The following GABRG3 variants were observed in gnomAD, a reference collection of about 807,000 sequenced individuals.
GABRG3 encodes the protein gamma-aminobutyric acid receptor subunit gamma-3.
Under a neutral mutation model 48.8 loss-of-function variants are expected in GABRG3, and 25 were observed. The observed-to-expected ratio is 0.51, with a 90% CI of 0.37 to 0.72. The LOEUF is 0.72. Among genes scored for constraint, GABRG3 ranks in the 30% least tolerant of loss-of-function variants. The probability of loss-of-function intolerance (pLI) is 0.00; values close to 1 mark genes in which losing one functional copy is unlikely to be tolerated. For missense variants in GABRG3, 394 were observed against 577.9 expected (o/e 0.68, Z 3.26); for synonymous variants, 227 against 217.6 (o/e 1.04, Z -0.38).
At chr15:27,219,894 A>G (rs1446206585) in intron 3 of GABRG3, among the ~76,000 whole-genome samples, 1 of 152,204 alleles carries the variant, frequency 6.6e-6, no homozygotes, top group African/African-American at 2.4e-5. Flanking sequence ...TGTTTTTCAT[A>G]AGAACGACTC....
intron 3 of GABRG3, among the ~76,000 whole-genome samples, chr15:27,113,275 C>T (rs1897585701): frequency 6.6e-6 from 1 of 151,888 alleles, no homozygotes. Context: ...CTTTCTGTTT[C>T]CTCCAAGTTC....
In GABRG3 at chr15:26,972,487, C is replaced by G. The variant is rs74484018; in HGVS notation, c.53+899C>G. On this transcript the variant is annotated intron_variant, in intron 1 of 9. Transcript: ENST00000615808. ...TTCTGGCTAGAGCTTGCAGACTGTC[C>G]TGTTATTTGAAAATTGGAGCAGTGT... Among the ~76,000 whole-genome samples, 1,211 of 152,210 alleles carry G rather than the reference C, an allele frequency of 8.0e-3. 18 individuals are homozygous for G. The highest frequency in any genetic ancestry group is 0.027 in the African/African-American group (1,138 of 41,540).
chr15:27,006,415 G>A (rs1033471552), intron 2 of GABRG3, among the ~76,000 whole-genome samples: 1 of 152,092 alleles, frequency 6.6e-6, no homozygotes, highest in Non-Finnish European at 1.5e-5. Context: ...TTGCCAGGCT[G>A]GTCTCAAACT....
At chr15:27,264,092 G>A (rs772327971) in intron 3 of GABRG3, among the ~76,000 whole-genome samples, 3 of 152,054 alleles carry the variant, frequency 2.0e-5, no homozygotes, top group Non-Finnish European at 2.9e-5. Flanking sequence ...AGAGGAGAGG[G>A]CAGGATTCAA....
chr15:27,313,231 T>C lies in GABRG3; in HGVS notation c.271-13578T>C, dbSNP rs140776562. On this transcript the variant is annotated intron_variant, in intron 3 of 9. Transcript: ENST00000615808. ...ATATGTATATGTATATATATACGTATATGTATATATGTGTGTGTGTGTGTG... is the reference window on the plus strand; with the variant it reads ...ATATGTATATGTATATATATACGTACATGTATATATGTGTGTGTGTGTGTG... Among the ~76,000 whole-genome samples, 633 of 123,388 alleles carry C rather than the reference T, an allele frequency of 5.1e-3. 7 individuals are homozygous for C. Among genetic ancestry groups the C allele is most frequent in the African/African-American group, 0.021 (611 of 28,486 alleles). 80.9% of individuals were successfully genotyped at this position (123,388 alleles called of 152,430 possible).
At chr15:27,434,862 G>A (rs1888561738) in intron 5 of GABRG3, among the ~76,000 whole-genome samples, 1 of 152,116 alleles carries the variant, frequency 6.6e-6, no homozygotes, top group Non-Finnish European at 1.5e-5. Context: ...ATTCCCCTTT[G>A]GCAAGTAGCT....
At chr15:27,269,071 T>C (rs1891004464) in intron 3 of GABRG3, among the ~76,000 whole-genome samples, 1 of 152,158 alleles carries the variant, frequency 6.6e-6, no homozygotes, top group South Asian at 2.1e-4. Flanking sequence ...TCTTCCTTCA[T>C]CTTGGCCAGA....
chr15:27,033,237 T>A (rs1896117371), intron 3 of GABRG3, among the ~76,000 whole-genome samples: 1 of 152,076 alleles, frequency 6.6e-6, no homozygotes, highest in South Asian at 2.1e-4. Flanking sequence ...GAAGACAAGT[T>A]CTCGGGGGAA....
At chr15:27,308,550 AACAT>A (rs1215149250) in intron 3 of GABRG3, among the ~76,000 whole-genome samples, 1 of 148,694 alleles carries the variant, frequency 6.7e-6, no homozygotes, top group Non-Finnish European at 1.5e-5. Flanking sequence ...ATATAATGTA[AACAT>A]ACATGTTTAT....
chr15:27,417,438 G>A (rs1887973689), intron 5 of GABRG3, among the ~76,000 whole-genome samples: 1 of 152,132 alleles, frequency 6.6e-6, no homozygotes, highest in African/African-American at 2.4e-5. Context: ...TCTCTCTCCA[G>A]CTCCACAGCT....
chr15:27,403,951 G>A (rs972867194), intron 5 of GABRG3, among the ~76,000 whole-genome samples: 32 of 149,762 alleles, frequency 2.1e-4, no homozygotes, highest in African/African-American at 7.7e-4. Flanking sequence ...ACCGGGCTTG[G>A]TAGCTCACGC....
chr15:27,284,155 G>A (rs1328594292), intron 3 of GABRG3, among the ~76,000 whole-genome samples: 1 of 152,190 alleles, frequency 6.6e-6, no homozygotes, highest in East Asian at 1.9e-4. Flanking sequence ...AGAATTAAAA[G>A]TTTGTGGCCT....
chr15:27,174,096 A>T (rs931267847), intron 3 of GABRG3, among the ~76,000 whole-genome samples: 2 of 145,160 alleles, frequency 1.4e-5, no homozygotes, highest in Non-Finnish European at 3.0e-5. Context: ...ATACGGACTT[A>T]AAAAAAAACG....
chr15:27,244,567 C>A (rs1890220079), intron 3 of GABRG3, among the ~76,000 whole-genome samples: 1 of 152,212 alleles, frequency 6.6e-6, no homozygotes, highest in Non-Finnish European at 1.5e-5. Flanking sequence ...TGAATATCTG[C>A]AGTATTTTTG....
At chr15:27,192,701 T>G (rs796664064) in intron 3 of GABRG3, among the ~76,000 whole-genome samples, 3 of 152,362 alleles carry the variant, frequency 2.0e-5, no homozygotes, top group African/African-American at 7.2e-5. Flanking sequence ...TTTGATCATC[T>G]GAAGCCTCCT....
chr15:27,523,268 C>T (rs553361777), intron 7 of GABRG3, among the ~76,000 whole-genome samples: 1 of 151,780 alleles, frequency 6.6e-6, no homozygotes, highest in South Asian at 2.1e-4. Context: ...TAAAAAGAAA[C>T]ATCATGAAGA....
intron 2 of GABRG3, among the ~76,000 whole-genome samples, chr15:27,019,032 T>C (rs1895832194): frequency 6.9e-6 from 1 of 145,386 alleles, no homozygotes; most frequent in South Asian, 2.3e-4. Context: ...ACTAATCCCA[T>C]TGAAGTATTT....
intron 6 of GABRG3, among the ~76,000 whole-genome samples, chr15:27,504,143 G>A (rs1890707232): frequency 6.6e-6 from 1 of 151,842 alleles, no homozygotes; most frequent in Non-Finnish European, 1.5e-5. Context: ...GACTTAATTT[G>A]GGTATTTGCA....
chr15:27,195,884 C>G (rs979573957), intron 3 of GABRG3, among the ~76,000 whole-genome samples: 2 of 152,224 alleles, frequency 1.3e-5, no homozygotes, highest in Admixed American at 6.5e-5. Context: ...ATCTGCCTGT[C>G]TCAGCCTCCC....
Sources: gnomAD v4.1 joint callset for allele counts (sites outside exome capture counted in the v4.1 genomes callset) on GRCh38, gnomAD v4.1.1 for gene constraint, MANE v1.5 for transcripts, NCBI Gene and HGNC (gene_info 2026-07-23, HGNC 2026-07-21) for gene names.